The following SLC9A9 variants were observed in gnomAD, a reference collection of about 807,000 sequenced individuals.
SLC9A9 encodes solute carrier family 9 member A9.
SLC9A9 carries 62 observed loss-of-function variants against 77.8 expected under a neutral mutation model. The ratio of observed to expected loss-of-function variants is 0.80; its 90% CI spans 0.65 to 0.98. The LOEUF is 0.98. Ranked by LOEUF, SLC9A9 falls within the 50% of genes least tolerant of loss-of-function variation. The pLI, the probability that SLC9A9 is intolerant of heterozygous loss-of-function variation, is 0.00. For missense variants in SLC9A9, 775 were observed against 774.9 expected (o/e 1.00, Z 0.00); for synonymous variants, 320 against 283.5 (o/e 1.13, Z -1.29).
intron 14 of SLC9A9, among the ~76,000 whole-genome samples, chr3:143,270,634 G>C (rs970772963): frequency 6.6e-6 from 1 of 151,998 alleles, no homozygotes; most frequent in Non-Finnish European, 1.5e-5. Flanking sequence ...TGGAAGGATG[G>C]AAAAGTGACA....
At chr3:143,323,982 C>T (rs1003877287) in intron 14 of SLC9A9, among the ~76,000 whole-genome samples, 2 of 151,824 alleles carry the variant, frequency 1.3e-5, no homozygotes, top group African/African-American at 4.8e-5. Flanking sequence ...GTCATATATA[C>T]TTTGTCCCAA....
At chr3:143,820,919 T>TC (rs2108880773) in intron 2 of SLC9A9, among the ~76,000 whole-genome samples, 1 of 152,084 alleles carries the variant, frequency 6.6e-6, no homozygotes, top group Non-Finnish European at 1.5e-5. Flanking sequence ...TTTTTTTTTT[T>TC]TTGAGTTTGC....
chr3:143,534,220 GC>G (rs2036555437), intron 9 of SLC9A9, among the ~76,000 whole-genome samples: 1 of 152,136 alleles, frequency 6.6e-6, no homozygotes, highest in Non-Finnish European at 1.5e-5. Flanking sequence ...AAAAAAGGAT[GC>G]TTTGGTGCTT....
At chr3:143,624,278 A>G (rs947627610) in intron 6 of SLC9A9, among the ~76,000 whole-genome samples, 23 of 152,174 alleles carry the variant, frequency 1.5e-4, no homozygotes, top group African/African-American at 2.4e-5. Flanking sequence ...GGCCAGCATC[A>G]CCCTGATACC....
chr3:143,557,771 G>T (rs2037012303), intron 8 of SLC9A9, among the ~76,000 whole-genome samples: 2 of 152,170 alleles, frequency 1.3e-5, no homozygotes, highest in Non-Finnish European at 2.9e-5. Flanking sequence ...AGGGTATCTG[G>T]TGGAAGAAAT....
intron 4 of SLC9A9, among the ~76,000 whole-genome samples, chr3:143,750,238 T>G (rs1231450159): frequency 6.6e-6 from 1 of 152,220 alleles, no homozygotes; most frequent in African/African-American, 2.4e-5. Flanking sequence ...AAATCATTTA[T>G]TTTGAACTTT....
chr3:143,819,363 A>T (rs2009109768), intron 2 of SLC9A9, among the ~76,000 whole-genome samples: 1 of 152,216 alleles, frequency 6.6e-6, no homozygotes, highest in African/African-American at 2.4e-5. Context: ...ACTCCAGGCA[A>T]AATTAAGTGG....
At chr3:143,299,601 A>C (rs2030431776) in intron 14 of SLC9A9, among the ~76,000 whole-genome samples, 1 of 151,988 alleles carries the variant, frequency 6.6e-6, no homozygotes, top group African/African-American at 2.4e-5. Context: ...CTGCCACCTC[A>C]TCTGGCTAAT....
At chr3:143,324,458 G>C (rs561241246) in intron 14 of SLC9A9, among the ~76,000 whole-genome samples, 2 of 152,302 alleles carry the variant, frequency 1.3e-5, no homozygotes, top group African/African-American at 4.8e-5. Flanking sequence ...GTGTGCCTAG[G>C]GCTGAGTGAG....
chr3:143,606,959 G>T lies in SLC9A9; in HGVS notation c.756-28236C>A, dbSNP rs7626666. Among the ~76,000 whole-genome samples, 1,149 of 150,198 alleles carry T rather than the reference G, an allele frequency of 7.6e-3. 14 individuals carry two copies. The highest frequency in any genetic ancestry group is 0.027 in the African/African-American group (1,103 of 40,502). On this transcript the variant is annotated intron_variant, in intron 6 of 15. Transcript: ENST00000316549. ...GTGGAATAAGTAAAATAAACACTCA[G>T]ATTTGCTGTAGTAAAACTGTACAAA...
chr3:143,569,390 T>C lies in SLC9A9; in HGVS notation c.1000+4698A>G, dbSNP rs192514954. Among the ~76,000 whole-genome samples, 20 of 151,936 alleles carry C rather than the reference T, an allele frequency of 1.3e-4. 1 individual carries two copies. The highest frequency in any genetic ancestry group is 1.1e-3 in the Admixed American group (17 of 15,220). On this transcript the variant is annotated intron_variant, in intron 8 of 15. Transcript: ENST00000316549. ...ACATGTATGTGCACATACATAGACATTTTAAATAGGCAAAAGTTGATGGGT... is the reference window on the plus strand; with the variant it reads ...ACATGTATGTGCACATACATAGACACTTTAAATAGGCAAAAGTTGATGGGT...
chr3:143,697,741 A>G (rs200874088), intron 4 of SLC9A9, among the ~76,000 whole-genome samples: 1 of 49,052 alleles, frequency 2.0e-5, no homozygotes, highest in South Asian at 6.6e-4. Flanking sequence ...CTTTTTCAAA[A>G]AAGAAAGATT....
chr3:143,449,579 TA>T (rs1473024590), intron 12 of SLC9A9, among the ~76,000 whole-genome samples: 1 of 52,812 alleles, frequency 1.9e-5, no homozygotes, highest in African/African-American at 9.8e-5. Flanking sequence ...TATAATTATA[TA>T]ATTATATAAA....
At chr3:143,273,985 G>A (rs779768222) in intron 14 of SLC9A9, among the ~76,000 whole-genome samples, 3 of 152,260 alleles carry the variant, frequency 2.0e-5, no homozygotes, top group Admixed American at 1.3e-4. Flanking sequence ...AATCCCATTT[G>A]TCTCTGAACC....
intron 12 of SLC9A9, among the ~76,000 whole-genome samples, chr3:143,435,080 T>C (rs1404668388): frequency 6.6e-6 from 1 of 152,210 alleles, no homozygotes; most frequent in Non-Finnish European, 1.5e-5. Flanking sequence ...TCTGCTGGCA[T>C]CCCTTGACCT....
intron 9 of SLC9A9, among the ~76,000 whole-genome samples, chr3:143,536,152 C>G (rs2036585946): frequency 6.6e-6 from 1 of 152,236 alleles, no homozygotes; most frequent in East Asian, 1.9e-4. Context: ...ATGTAAATTA[C>G]TATATGAAAC....
intron 14 of SLC9A9, among the ~76,000 whole-genome samples, chr3:143,358,441 T>C (rs146535746): frequency 1.3e-5 from 2 of 152,348 alleles, no homozygotes; most frequent in African/African-American, 2.4e-5. Context: ...TATTTTCAGT[T>C]GATGTTGGCA....
chr3:143,665,913 C>G (rs71416642), intron 5 of SLC9A9, among the ~76,000 whole-genome samples: 1 of 152,188 alleles, frequency 6.6e-6, no homozygotes, highest in Non-Finnish European at 1.5e-5. Flanking sequence ...CAAAGAGGAG[C>G]TGGCACCATT....
chr3:143,456,521 T>C (rs1050289760), intron 12 of SLC9A9, among the ~76,000 whole-genome samples: 1 of 152,078 alleles, frequency 6.6e-6, no homozygotes, highest in Admixed American at 6.6e-5. Flanking sequence ...GGGCTTGTAG[T>C]TTATTTTTTT....
Sources: gnomAD v4.1 joint callset for allele counts (sites outside exome capture counted in the v4.1 genomes callset) on GRCh38, gnomAD v4.1.1 for gene constraint, MANE v1.5 for transcripts, NCBI Gene and HGNC (gene_info 2026-07-23, HGNC 2026-07-21) for gene names.